The following DST variants were observed in gnomAD, a reference collection of about 807,000 sequenced individuals.
The protein encoded by DST is bullous pemphigoid antigen.
DST carries 253 observed loss-of-function variants against 875.2 expected under a neutral mutation model. The ratio of observed to expected loss-of-function variants is 0.29; its 90% CI spans 0.26 to 0.32. The LOEUF (loss-of-function observed/expected upper bound fraction) is 0.32, where lower values mean the gene tolerates loss of function less well. Ranked by LOEUF, DST falls within the 10% of genes least tolerant of loss-of-function variation. The pLI is 1.00. For missense variants in DST, 8,287 were observed against 9,111.6 expected, an observed-to-expected ratio of 0.91 and a Z score of 3.68; for synonymous variants, 3,124 against 3,197.1, an observed-to-expected ratio of 0.98 and a Z score of 0.77.
intron 74 of DST, 84 bp from the exon 75 acceptor site, chr6:56,508,839 T>A: frequency 1.8e-6 from 2 of 1,126,348 alleles, no homozygotes; most frequent in Non-Finnish European, 2.5e-6. Context: ...ACACAGAAAG[T>A]AGTGATCCAA....
intron 5 of DST, among the ~76,000 whole-genome samples, chr6:56,722,368 GTTTA>G (rs1554672067): frequency 8.4e-4 from 127 of 150,704 alleles, no homozygotes; most frequent in Admixed American, 1.3e-3. Context: ...GTACATGTTT[GTTTA>G]TTTATTTATT....
At chr6:56,813,744 T>C (rs989742120) in intron 4 of DST, among the ~76,000 whole-genome samples, 9 of 152,098 alleles carry the variant, frequency 5.9e-5, no homozygotes, top group Non-Finnish European at 1.2e-4. Context: ...AATTCAAAAA[T>C]GAGATGGTGT....
intron 2 of DST, among the ~76,000 whole-genome samples, chr6:56,929,444 A>T (rs983187166): frequency 2.6e-5 from 4 of 152,174 alleles, no homozygotes; most frequent in Admixed American, 6.5e-5. Flanking sequence ...ACAAGATGCA[A>T]AACAGTGTAT....
intron 50 of DST, among the ~76,000 whole-genome samples, chr6:56,576,888 G>A (rs1011467407): frequency 6.6e-6 from 1 of 152,154 alleles, no homozygotes; most frequent in African/African-American, 2.4e-5. Flanking sequence ...GGAAATAAAT[G>A]TATGTTGTTT....
intron 3 of DST, among the ~76,000 whole-genome samples, chr6:56,874,733 CA>C (rs1447109592): frequency 1.3e-5 from 2 of 152,200 alleles, no homozygotes; most frequent in African/African-American, 4.8e-5. Flanking sequence ...CATCTCAAAT[CA>C]TGTGATATTT....
At chr6:56,694,787 G>A (rs934552953) in intron 9 of DST, among the ~76,000 whole-genome samples, 2 of 151,994 alleles carry the variant, frequency 1.3e-5, no homozygotes, top group African/African-American at 4.8e-5. Context: ...CCTCATGAAC[G>A]GCTTTCGGCC....
At chr6:56,587,305 G>T (rs558580362) in intron 49 of DST, among the ~76,000 whole-genome samples, 2 of 152,280 alleles carry the variant, frequency 1.3e-5, no homozygotes, top group South Asian at 2.1e-4. Flanking sequence ...GGAAGAAAGG[G>T]TATCAGCGAT....
chr6:56,812,473 G>A (rs2099761601), intron 4 of DST, among the ~76,000 whole-genome samples: 1 of 152,100 alleles, frequency 6.6e-6, no homozygotes, highest in African/African-American at 2.4e-5. Flanking sequence ...GTATTCTATA[G>A]GAGGAGAAAA....
At chr6:56,897,304 T>G (rs1484582964) in intron 3 of DST, among the ~76,000 whole-genome samples, 3 of 133,874 alleles carry the variant, frequency 2.2e-5, no homozygotes, top group Admixed American at 7.2e-5. Context: ...TGGTTTTTTT[T>G]TGGGGGGGGG....
chr6:56,624,101 A>C (rs2098713485), intron 36 of DST, among the ~76,000 whole-genome samples: 1 of 152,086 alleles, frequency 6.6e-6, no homozygotes, highest in Non-Finnish European at 1.5e-5. Flanking sequence ...ACTTCTTGAG[A>C]TACAAATTAA....
chr6:56,554,692 G>A (rs1331403920), intron 60 of DST, among the ~76,000 whole-genome samples: 1 of 152,206 alleles, frequency 6.6e-6, no homozygotes, highest in African/African-American at 2.4e-5. Context: ...GTCTGAAACA[G>A]TTGCTGTGAT....
At chr6:56,928,043 T>C (rs1808117330) in intron 2 of DST, among the ~76,000 whole-genome samples, 1 of 152,052 alleles carries the variant, frequency 6.6e-6, no homozygotes, top group African/African-American at 2.4e-5. Flanking sequence ...TGTTAGTTCT[T>C]TAGGAGCTCA....
intron 4 of DST, among the ~76,000 whole-genome samples, chr6:56,815,855 T>C (rs1400208032): frequency 1.3e-5 from 2 of 152,226 alleles, no homozygotes; most frequent in Non-Finnish European, 1.5e-5. Flanking sequence ...AAAATGTGTT[T>C]TAATCTACTA....
rs199706428 is a variant in DST at position 56,561,474 on chromosome 6, T to C, written c.14144A>G (p.Lys4715Arg). The change falls in exon 57 of 104, where the codon AAA becomes AGA. Residue 4715 changes from lysine to arginine, a missense_variant. Physicochemically the swap from Lys to Arg is conservative, Grantham distance 26. Coordinates refer to ENST00000680361, the MANE Select transcript of DST (RefSeq NM_001374736.1). ...GAGTTTAGTGTTCAGTTCCGCTATT[T>C]TGTCCTTGAGTAAGAGGCCAAGATC... ...YEDLGLLLKDKIAELNTKLSK... is the reference protein window; with the variant it reads ...YEDLGLLLKDRIAELNTKLSK... 4.0e-5 allele frequency: 64 copies of C among 1,613,898 alleles called. No individual in the cohort carries two copies. The East Asian group carries it at 1.4e-3, about 36-fold the overall frequency.
intron 4 of DST, among the ~76,000 whole-genome samples, chr6:56,845,737 G>A (rs557843401): frequency 3.9e-5 from 6 of 152,284 alleles, no homozygotes; most frequent in African/African-American, 1.2e-4. Context: ...TTGAAGGCAC[G>A]TCTGAGCCTT....
intron 4 of DST, among the ~76,000 whole-genome samples, chr6:56,762,414 A>G (rs2099619413): frequency 1.3e-5 from 2 of 152,198 alleles, no homozygotes; most frequent in Admixed American, 1.3e-4. Context: ...AAAATTTACA[A>G]AGCAGAAGTG....
At chr6:56,814,091 AAAC>A (rs1390718708) in intron 4 of DST, among the ~76,000 whole-genome samples, 2 of 152,200 alleles carry the variant, frequency 1.3e-5, no homozygotes, top group Non-Finnish European at 2.9e-5. Flanking sequence ...GAGAAAATAA[AAAC>A]AAGAAAGCAG....
At chr6:56,545,708 TG>T (rs1277716927) in intron 61 of DST, among the ~76,000 whole-genome samples, 1 of 152,114 alleles carries the variant, frequency 6.6e-6, no homozygotes, top group African/African-American at 2.4e-5. Context: ...AGCTGAAACA[TG>T]GAGGTTTTAG....
At position 56,568,598 on chromosome 6, in the gene DST, T is replaced by C; in HGVS notation, c.13879-3A>G. 1 of 1,595,736 alleles carries C rather than the reference T, an allele frequency of 6.3e-7. No homozygotes were observed. The highest frequency in any genetic ancestry group is 1.1e-5 in the South Asian group (1 of 87,910). Reference sequence around the variant, plus strand: ...AAACTCCACTTTTCTTGTAATTTCTTGAGATATAAAAACACATTATTTTTC... The same window carrying C: ...AAACTCCACTTTTCTTGTAATTTCTCGAGATATAAAAACACATTATTTTTC... On this transcript the variant is annotated splice_polypyrimidine_tract_variant and splice_region_variant and intron_variant, in intron 54 of 103. Coordinates refer to ENST00000680361, the MANE Select transcript of DST (RefSeq NM_001374736.1).
Sources: gnomAD v4.1 joint callset for allele counts (sites outside exome capture counted in the v4.1 genomes callset) on GRCh38, gnomAD v4.1.1 for gene constraint, MANE v1.5 for transcripts, NCBI Gene and HGNC (gene_info 2026-07-23, HGNC 2026-07-21) for gene names.